Variants in PKIB observed in about 807,000 individuals in gnomAD.
PKIB encodes the protein cAMP-dependent protein kinase inhibitor beta.
Under a neutral mutation model 4.5 loss-of-function variants are expected in PKIB, and 2 were observed. That is an observed-to-expected ratio of 0.44 (90% CI 0.18 to 1.39). The LOEUF is 1.39. Among genes scored for constraint, PKIB ranks in the 40% most tolerant of loss-of-function variants. The probability of loss-of-function intolerance (pLI) is 0.27; values close to 1 mark genes in which losing one functional copy is unlikely to be tolerated. For synonymous variants in PKIB, 38 were observed against 36.0 expected, an observed-to-expected ratio of 1.06 and a Z score of -0.20; for missense variants, 94 against 92.6, an observed-to-expected ratio of 1.02 and a Z score of -0.06.
At chr6:122,537,353 T>A (rs1448843431) in intron 2 of PKIB, among the ~76,000 whole-genome samples, 1 of 152,068 alleles carries the variant, frequency 6.6e-6, no homozygotes, top group East Asian at 1.9e-4. Flanking sequence ...TGTGTGATGT[T>A]CCCCTTCCTG....
intron 2 of PKIB, among the ~76,000 whole-genome samples, chr6:122,524,531 T>G (rs955032456): frequency 6.6e-6 from 1 of 152,110 alleles, no homozygotes; most frequent in African/African-American, 2.4e-5. Flanking sequence ...CTTCAATTTT[T>G]TGGAAAAGTT....
intron 3 of PKIB, among the ~76,000 whole-genome samples, chr6:122,688,646 T>C (rs1031726065): frequency 6.6e-6 from 1 of 152,152 alleles, no homozygotes; most frequent in Non-Finnish European, 1.5e-5. Context: ...TATTGGTCTG[T>C]TCAGGTTTTG....
intron 2 of PKIB, among the ~76,000 whole-genome samples, chr6:122,638,430 C>A (rs551870889): frequency 6.6e-6 from 1 of 152,232 alleles, no homozygotes; most frequent in South Asian, 2.1e-4. Flanking sequence ...TCTTTCTGTT[C>A]ACATCCAGCC....
chr6:122,565,799 A>G (rs1483760827), intron 2 of PKIB, among the ~76,000 whole-genome samples: 1 of 152,214 alleles, frequency 6.6e-6, no homozygotes, highest in Non-Finnish European at 1.5e-5. Flanking sequence ...ACCCAATTTT[A>G]ATTTAAAGAA....
intron 1 of PKIB, among the ~76,000 whole-genome samples, chr6:122,619,443 T>A (rs1007567564): frequency 1.3e-5 from 2 of 152,070 alleles, no homozygotes; most frequent in African/African-American, 4.8e-5. Flanking sequence ...TATAGCTATT[T>A]GTCCTATAAT....
At chr6:122,673,755 C>A (rs957662357) in intron 2 of PKIB, among the ~76,000 whole-genome samples, 2 of 152,144 alleles carry the variant, frequency 1.3e-5, no homozygotes, top group African/African-American at 4.8e-5. Flanking sequence ...GTGCTGGGAA[C>A]AAGACAAATG....
chr6:122,612,029 A>C (rs564584591), intron 1 of PKIB, among the ~76,000 whole-genome samples: 5 of 152,304 alleles, frequency 3.3e-5, no homozygotes, highest in South Asian at 2.1e-4. Context: ...TTTCTTCAAT[A>C]AAATATCAAA....
intron 3 of PKIB, among the ~76,000 whole-genome samples, chr6:122,698,636 G>T (rs985280669): frequency 2.0e-5 from 3 of 152,162 alleles, no homozygotes; most frequent in Non-Finnish European, 4.4e-5. Flanking sequence ...AGATGAGGTC[G>T]CTGAAGCCTC....
At position 122,494,171 on chromosome 6, in the gene PKIB, C is replaced by T. The variant is rs577606648; in HGVS notation, c.-248+16232C>T. ...CATGCTTGATTAATTCAAATTAAAT[C>T]CAAACACCAAAAGTTCAGAAAACTT... On this transcript the variant is annotated intron_variant, in intron 2 of 6. Coordinates refer to the PKIB transcript ENST00000392491. Among the ~76,000 whole-genome samples the T allele has an allele frequency of 2.7e-4, 41 of 152,178 alleles. No homozygotes were observed. The South Asian group carries it at 8.1e-3, about 30-fold the overall frequency.
intron 3 of PKIB, among the ~76,000 whole-genome samples, chr6:122,711,537 C>T (rs1011699227): frequency 6.6e-6 from 1 of 152,092 alleles, no homozygotes; most frequent in Non-Finnish European, 1.5e-5. Flanking sequence ...CCCTGCAAAC[C>T]TTTATGGAGG....
At chr6:122,500,075 C>T (rs985682556) in intron 2 of PKIB, among the ~76,000 whole-genome samples, 6 of 152,148 alleles carry the variant, frequency 3.9e-5, no homozygotes, top group African/African-American at 1.4e-4. Context: ...AAAAATATTA[C>T]ATGCCCATGG....
chr6:122,642,511 T>C (rs1776159198), intron 2 of PKIB, among the ~76,000 whole-genome samples: 1 of 152,244 alleles, frequency 6.6e-6, no homozygotes, highest in African/African-American at 2.4e-5. Flanking sequence ...TTTTAATCTA[T>C]CATTGTTTCC....
rs547391288 is a variant in PKIB, at chr6:122,534,862, T to C, written c.-247-51059T>C. On this transcript the variant is annotated intron_variant, in intron 2 of 6. Transcript: ENST00000392491. ...AAAGTATTGATATTATTTCTATATA[T>C]GTGTGATTAATAAAAGTGAAGGCTA... 1.5e-3 allele frequency among the ~76,000 whole-genome samples: 228 copies of C among 152,268 alleles called. 3 individuals carry two copies. The highest frequency in any genetic ancestry group is 2.5e-3 in the Non-Finnish European group (168 of 68,024).
chr6:122,616,535 C>A (rs937516905), intron 1 of PKIB, among the ~76,000 whole-genome samples: 2 of 152,188 alleles, frequency 1.3e-5, no homozygotes, highest in East Asian at 1.9e-4. Context: ...TAAAGGAAAG[C>A]CTTTGTCCTA....
intron 2 of PKIB, among the ~76,000 whole-genome samples, chr6:122,553,838 A>G (rs958597881): frequency 2.6e-5 from 4 of 152,152 alleles, no homozygotes; most frequent in African/African-American, 4.8e-5. Context: ...ATGTGCAGCT[A>G]TATTTTCACT....
intron 3 of PKIB, among the ~76,000 whole-genome samples, chr6:122,690,839 G>T (rs1162533491): frequency 2.0e-5 from 3 of 151,136 alleles, no homozygotes; most frequent in African/African-American, 7.3e-5. Context: ...TTTCTTGTAA[G>T]ACAGGTCTGG....
intron 2 of PKIB, among the ~76,000 whole-genome samples, chr6:122,580,806 C>A (rs939592204): frequency 3.2e-4 from 49 of 152,088 alleles, no homozygotes; most frequent in Non-Finnish European, 2.9e-5. Context: ...AATGGATAAA[C>A]GAAACAGGAA....
At chr6:122,583,405 G>A (rs1343154474) in intron 2 of PKIB, among the ~76,000 whole-genome samples, 1 of 151,984 alleles carries the variant, frequency 6.6e-6, no homozygotes, top group Non-Finnish European at 1.5e-5. Context: ...AATGACATGG[G>A]TAATATGCCA....
intron 2 of PKIB, among the ~76,000 whole-genome samples, chr6:122,501,560 C>T (rs1382954063): frequency 5.9e-5 from 9 of 152,206 alleles, no homozygotes; most frequent in Admixed American, 4.6e-4. Flanking sequence ...TCGAGCATTA[C>T]TTTGGCCCCT....
Sources: gnomAD v4.1 joint callset for allele counts (sites outside exome capture counted in the v4.1 genomes callset) on GRCh38, gnomAD v4.1.1 for gene constraint, MANE v1.5 for transcripts, NCBI Gene and HGNC (gene_info 2026-07-23, HGNC 2026-07-21) for gene names.